SPAG16: variants seen among roughly 807,000 people sequenced by gnomAD.
SPAG16 encodes the protein sperm associated antigen 16, also known as sperm-associated antigen 16 protein.
SPAG16 carries 86 observed loss-of-function variants against 80.4 expected under a neutral mutation model. The ratio of observed to expected loss-of-function variants is 1.07; its 90% CI spans 0.90 to 1.28. SPAG16 has a LOEUF of 1.28. SPAG16 is among the 50% of genes most tolerant of loss of function. SPAG16 has a pLI of 0.00. For synonymous variants in SPAG16, 294 were observed against 265.9 expected, an observed-to-expected ratio of 1.11 and a Z score of -1.03; for missense variants, 870 against 765.3, an observed-to-expected ratio of 1.14 and a Z score of -1.61.
intron 12 of SPAG16, among the ~76,000 whole-genome samples, chr2:213,970,928 A>T (rs949044001): frequency 6.6e-6 from 1 of 152,168 alleles, no homozygotes; most frequent in African/African-American, 2.4e-5. Flanking sequence ...GTTTTCCTAC[A>T]CTAATCATAT....
chr2:214,250,181 G>A (rs1172705043), intron 15 of SPAG16: 1 of 152,124 alleles, frequency 6.6e-6, no homozygotes, highest in Non-Finnish European at 1.5e-5. Context: ...AAGAAAGTCT[G>A]TAAAGAGAGG....
intron 10 of SPAG16, among the ~76,000 whole-genome samples, chr2:213,761,255 C>A (rs970943401): frequency 6.6e-6 from 1 of 152,000 alleles, no homozygotes; most frequent in South Asian, 2.1e-4. Context: ...TATATCAAAA[C>A]ATATGGGATG....
At chr2:213,608,578 G>C (rs1168544324) in intron 10 of SPAG16, among the ~76,000 whole-genome samples, 1 of 152,136 alleles carries the variant, frequency 6.6e-6, no homozygotes, top group East Asian at 1.9e-4. Context: ...TATCATTGTT[G>C]GACATTTGGG....
intron 13 of SPAG16, among the ~76,000 whole-genome samples, chr2:214,093,727 A>G (rs1414537837): frequency 6.6e-6 from 1 of 152,094 alleles, no homozygotes; most frequent in Non-Finnish European, 1.5e-5. Flanking sequence ...AGAATTCACC[A>G]AACTTTTTCT....
rs71063780 is a variant in SPAG16 at position 213,797,051 on chromosome 2, TAA to T, written c.1071-65424_1071-65423del. On this transcript the variant is annotated intron_variant, in intron 10 of 15. Transcript: ENST00000331683. ...AAGTTTTTAACAAAAAAATTAAAATTAAAAAAAAAAACATTAAAATAGAATCA... is the reference window on the plus strand; with the variant it reads ...AAGTTTTTAACAAAAAAATTAAAATTAAAAAAAAACATTAAAATAGAATCA... 1.9e-3 allele frequency among the ~76,000 whole-genome samples: 276 copies of T among 149,186 alleles called. 1 individual carries two copies. Among genetic ancestry groups the T allele is most frequent in the African/African-American group, 5.2e-3 (212 of 40,398 alleles).
chr2:214,195,691 T>C (rs141074183), intron 15 of SPAG16, among the ~76,000 whole-genome samples: 1 of 151,972 alleles, frequency 6.6e-6, no homozygotes, highest in East Asian at 1.9e-4. Flanking sequence ...TGAAGAAGAC[T>C]GGGCAAAAGT....
rs186217258 is a variant in SPAG16 at position 214,328,939 on chromosome 2, T to C, written c.1721-81201T>C. ...GTTTTTTTAAAGCTTGGAGTGACTG[T>C]TCAGGAAACTAGCCTAAATTTTTCA... On this transcript the variant is annotated intron_variant, in intron 15 of 15. Transcript: ENST00000331683. 5.3e-5 allele frequency among the ~76,000 whole-genome samples: 8 copies of C among 152,258 alleles called. No individual in the cohort carries two copies. In the East Asian group the frequency reaches 1.5e-3, roughly 29 times the overall value.
intron 14 of SPAG16, among the ~76,000 whole-genome samples, chr2:214,135,775 T>C (rs1276008681): frequency 6.6e-6 from 1 of 151,980 alleles, no homozygotes; most frequent in Non-Finnish European, 1.5e-5. Flanking sequence ...TCTTGCCATG[T>C]GATCTCTGCA....
At chr2:214,358,844 C>A (rs1698989908) in intron 15 of SPAG16, among the ~76,000 whole-genome samples, 1 of 152,022 alleles carries the variant, frequency 6.6e-6, no homozygotes, top group African/African-American at 2.4e-5. Flanking sequence ...GTATTCTTGG[C>A]TTCCCCTTGT....
At chr2:213,850,753 T>C (rs1259081610) in intron 10 of SPAG16, among the ~76,000 whole-genome samples, 2 of 152,058 alleles carry the variant, frequency 1.3e-5, no homozygotes, top group African/African-American at 4.8e-5. Context: ...CAAGAGAATG[T>C]GTGTCGATGA....
intron 12 of SPAG16, among the ~76,000 whole-genome samples, chr2:214,003,744 A>C (rs931584007): frequency 2.0e-5 from 3 of 152,010 alleles, no homozygotes; most frequent in Non-Finnish European, 4.4e-5. Flanking sequence ...AAGATAATTT[A>C]TTTAATATAT....
intron 12 of SPAG16, among the ~76,000 whole-genome samples, chr2:213,930,685 T>C (rs2078710600): frequency 6.6e-6 from 1 of 152,342 alleles, no homozygotes; most frequent in Non-Finnish European, 1.5e-5. Flanking sequence ...GGAAGTTTTA[T>C]GTTTTGATTT....
At chr2:213,928,312 T>A (rs1232521320) in intron 11 of SPAG16, among the ~76,000 whole-genome samples, 1 of 151,748 alleles carries the variant, frequency 6.6e-6, no homozygotes, top group Non-Finnish European at 1.5e-5. Flanking sequence ...CAGGATGGTC[T>A]CTATCTCCTG....
chr2:213,984,698 G>T (rs1346602425), intron 12 of SPAG16, among the ~76,000 whole-genome samples: 6 of 152,064 alleles, frequency 3.9e-5, no homozygotes, highest in African/African-American at 7.2e-5. Flanking sequence ...GCAGAGAAAA[G>T]CCAACATCCT....
intron 15 of SPAG16, among the ~76,000 whole-genome samples, chr2:214,265,367 A>G (rs1691486330): frequency 6.6e-6 from 1 of 152,050 alleles, no homozygotes; most frequent in Non-Finnish European, 1.5e-5. Flanking sequence ...GATGTTGAGC[A>G]TCTTTTCATA....
intron 15 of SPAG16, among the ~76,000 whole-genome samples, chr2:214,398,063 T>C (rs1179683047): frequency 6.6e-6 from 1 of 152,130 alleles, no homozygotes; most frequent in Non-Finnish European, 1.5e-5. Context: ...TGCTAGGCAA[T>C]AGAGGTACTC....
At chr2:213,343,874 G>A (rs1455362547) in intron 6 of SPAG16, among the ~76,000 whole-genome samples, 1 of 152,054 alleles carries the variant, frequency 6.6e-6, no homozygotes, top group South Asian at 2.1e-4. Context: ...AACCTCTGGA[G>A]CAATATTAAA....
intron 3 of SPAG16, among the ~76,000 whole-genome samples, chr2:213,300,237 C>T (rs2062680981): frequency 6.6e-6 from 1 of 152,098 alleles, no homozygotes; most frequent in Non-Finnish European, 1.5e-5. Context: ...TCCTGCTACC[C>T]CTTTTCCTCC....
chr2:213,837,478 C>A (rs983113477), intron 10 of SPAG16, among the ~76,000 whole-genome samples: 2 of 152,180 alleles, frequency 1.3e-5, no homozygotes, highest in African/African-American at 4.8e-5. Context: ...TTTTAACTCC[C>A]AGAATATTTT....
Sources: allele counts gnomAD v4.1 joint callset (sites outside exome capture counted in the v4.1 genomes callset), GRCh38; gene constraint gnomAD v4.1.1; transcripts MANE v1.5; gene names NCBI Gene and HGNC (gene_info 2026-07-23, HGNC 2026-07-21).